The following NAALADL2 variants were observed in gnomAD, a reference collection of about 807,000 sequenced individuals.
NAALADL2 encodes N-acetylated alpha-linked acidic dipeptidase like 2.
In NAALADL2, 76 loss-of-function variants were observed where a neutral mutation model predicts 87.2. The ratio of observed to expected loss-of-function variants is 0.87; its 90% CI spans 0.72 to 1.05. The LOEUF is 1.05. NAALADL2 is among the 50% of genes least tolerant of loss of function. NAALADL2 has a pLI of 0.00. For synonymous variants in NAALADL2, 354 were observed against 331.0 expected (o/e 1.07, Z -0.75); for missense variants, 1,089 against 945.8 (o/e 1.15, Z -1.99).
chr3:174,967,695 C>G (rs1394093584), intron 1 of NAALADL2, among the ~76,000 whole-genome samples: 2 of 152,142 alleles, frequency 1.3e-5, no homozygotes, highest in African/African-American at 4.8e-5. Flanking sequence ...ACAGCCAGTA[C>G]CATGTGATTG....
intron 9 of NAALADL2, among the ~76,000 whole-genome samples, chr3:175,547,492 G>A (rs1242346932): frequency 2.6e-5 from 4 of 152,058 alleles, no homozygotes; most frequent in Non-Finnish European, 5.9e-5. Context: ...GAGGACATAG[G>A]CATAGACAAA....
intron 2 of NAALADL2, among the ~76,000 whole-genome samples, chr3:174,560,725 G>T (rs1340178665): frequency 6.6e-6 from 1 of 151,970 alleles, no homozygotes; most frequent in Non-Finnish European, 1.5e-5. Flanking sequence ...GAACTTTACC[G>T]TGTGCCTTTT....
chr3:174,992,000 A>G (rs1016685000), intron 1 of NAALADL2, among the ~76,000 whole-genome samples: 4 of 152,054 alleles, frequency 2.6e-5, no homozygotes, highest in African/African-American at 9.6e-5. Flanking sequence ...ATCATAATTT[A>G]CTGTTTTATT....
intron 1 of NAALADL2, among the ~76,000 whole-genome samples, chr3:174,521,423 G>A (rs1040917413): frequency 6.6e-5 from 10 of 151,594 alleles, no homozygotes; most frequent in Admixed American, 1.3e-4. Context: ...AAAATTAGCC[G>A]GGCGTGGTGA....
intron 1 of NAALADL2, among the ~76,000 whole-genome samples, chr3:174,512,911 C>G (rs1292525212): frequency 1.3e-5 from 2 of 151,432 alleles, no homozygotes; most frequent in Non-Finnish European, 2.9e-5. Context: ...AAGTGGAAAC[C>G]TATAGTTTCT....
intron 10 of NAALADL2, among the ~76,000 whole-genome samples, chr3:175,604,850 A>G (rs1368924471): frequency 2.0e-5 from 3 of 152,190 alleles, no homozygotes; most frequent in Admixed American, 2.0e-4. Flanking sequence ...CACAAGATGG[A>G]CAATAATGAT....
At chr3:175,540,070 C>T (rs544451760) in intron 9 of NAALADL2, among the ~76,000 whole-genome samples, 5 of 152,224 alleles carry the variant, frequency 3.3e-5, no homozygotes, top group East Asian at 1.9e-4. Context: ...GGAAAATATA[C>T]GTGTTCCCGT....
intron 4 of NAALADL2, among the ~76,000 whole-genome samples, chr3:175,300,050 G>A (rs1022619061): frequency 2.0e-5 from 3 of 152,170 alleles, no homozygotes; most frequent in South Asian, 2.1e-4. Context: ...ATAATCATGT[G>A]GTTTTTGTCA....
At chr3:175,621,523 G>A (rs148496645) in intron 10 of NAALADL2, among the ~76,000 whole-genome samples, 2 of 152,026 alleles carry the variant, frequency 1.3e-5, no homozygotes, top group African/African-American at 4.8e-5. Context: ...TACAGTTTCC[G>A]GTAAAATTTC....
chr3:174,542,257 T>C (rs975173532), intron 1 of NAALADL2, among the ~76,000 whole-genome samples: 3 of 152,164 alleles, frequency 2.0e-5, no homozygotes, highest in Non-Finnish European at 4.4e-5. Context: ...CCTACTAATC[T>C]ACCTCATTCA....
At chr3:174,474,845 G>T (rs894279186) in intron 1 of NAALADL2, among the ~76,000 whole-genome samples, 6 of 152,098 alleles carry the variant, frequency 3.9e-5, no homozygotes, top group Non-Finnish European at 7.4e-5. Context: ...TTATTAGAAA[G>T]AAATTATTAA....
chr3:175,422,781 A>T (rs1715928866), intron 5 of NAALADL2, among the ~76,000 whole-genome samples: 1 of 151,936 alleles, frequency 6.6e-6, no homozygotes, highest in South Asian at 2.1e-4. Flanking sequence ...AGCACCATTG[A>T]ACACATAGTT....
At chr3:175,268,726 T>C (rs1391851576) in intron 4 of NAALADL2, among the ~76,000 whole-genome samples, 1 of 152,106 alleles carries the variant, frequency 6.6e-6, no homozygotes, top group African/African-American at 2.4e-5. Flanking sequence ...TTTTTTAAAC[T>C]TTTTGGTTAA....
At chr3:175,331,554 C>T (rs937915725) in intron 5 of NAALADL2, among the ~76,000 whole-genome samples, 1 of 152,122 alleles carries the variant, frequency 6.6e-6, no homozygotes, top group Non-Finnish European at 1.5e-5. Context: ...TTGGTAAATT[C>T]AACACTCCAT....
At chr3:175,717,447 T>C (rs1741465161) in intron 11 of NAALADL2, among the ~76,000 whole-genome samples, 1 of 152,056 alleles carries the variant, frequency 6.6e-6, no homozygotes, top group African/African-American at 2.4e-5. Context: ...ATCCCAGCAC[T>C]TTGGGAGGCC....
intron 2 of NAALADL2, among the ~76,000 whole-genome samples, chr3:175,185,763 T>C (rs1215051580): frequency 1.3e-5 from 2 of 150,570 alleles, no homozygotes; most frequent in East Asian, 3.9e-4. Flanking sequence ...TATATAATTA[T>C]ATAAGCCTTT....
chr3:174,555,479 T>C (rs1326078285), intron 2 of NAALADL2, among the ~76,000 whole-genome samples: 5 of 152,092 alleles, frequency 3.3e-5, no homozygotes, highest in Admixed American at 1.3e-4. Flanking sequence ...TTTGTATTTT[T>C]AGTAGAGAAG....
chr3:175,338,610 A>C (rs1303428155), intron 5 of NAALADL2, among the ~76,000 whole-genome samples: 3 of 105,514 alleles, frequency 2.8e-5, no homozygotes, highest in Non-Finnish European at 6.0e-5. Flanking sequence ...AAAAAAAAAA[A>C]AAAACACCAC....
At chr3:174,818,956 T>A (rs1172946449) in intron 3 of NAALADL2, among the ~76,000 whole-genome samples, 1 of 151,976 alleles carries the variant, frequency 6.6e-6, no homozygotes, top group African/African-American at 2.4e-5. Context: ...GATTCTTTTC[T>A]ATTTTTGTTT....
Sources: allele counts gnomAD v4.1 joint callset (sites outside exome capture counted in the v4.1 genomes callset), GRCh38; gene constraint gnomAD v4.1.1; transcripts MANE v1.5; gene names NCBI Gene and HGNC (gene_info 2026-07-23, HGNC 2026-07-21).